Variants in PSMD6 observed in about 807,000 individuals in gnomAD.
PSMD6 encodes the protein proteasome 26S subunit, non-ATPase 6.
A neutral mutation model predicts 44.9 loss-of-function variants in PSMD6; 7 were observed. That is an observed-to-expected ratio of 0.16 (90% confidence interval 0.09 to 0.29). PSMD6 has a LOEUF of 0.29. PSMD6 is among the 10% of genes least tolerant of loss of function. The probability of loss-of-function intolerance (pLI) is 1.00; values close to 1 mark genes in which losing one functional copy is unlikely to be tolerated. For missense variants in PSMD6, 420 were observed against 482.6 expected (o/e 0.87, Z 1.21); for synonymous variants, 184 against 172.7 (o/e 1.07, Z -0.51).
upstream of PSMD6, chr3:64,023,567 C>T: frequency 1.4e-6 from 2 of 1,416,608 alleles, no homozygotes; most frequent in Non-Finnish European, 1.8e-6. Flanking sequence ...TGCTGGACAC[C>T]TCCGGGAACG....
chr3:64,020,998 T>C (rs1295432765), intron 2 of PSMD6, among the ~76,000 whole-genome samples: 1 of 152,012 alleles, frequency 6.6e-6, no homozygotes, highest in African/African-American at 2.4e-5. Flanking sequence ...TAATGGTGAG[T>C]ACCCCTCTGG....
intron 2 of PSMD6, among the ~76,000 whole-genome samples, chr3:64,021,343 T>C (rs2076127732): frequency 6.6e-6 from 1 of 152,148 alleles, no homozygotes; most frequent in Non-Finnish European, 1.5e-5. Flanking sequence ...AAAGACCTCT[T>C]AAATATAATG....
intron 6 of PSMD6, chr3:64,012,021 G>A (rs947883669): frequency 2.0e-5 from 3 of 152,088 alleles, no homozygotes; most frequent in Non-Finnish European, 2.9e-5. Context: ...ACAAAACCTT[G>A]GGATACCAGC....
At chr3:64,011,290 A>C (rs2075942422) in intron 6 of PSMD6, 1 of 186,058 alleles carries the variant, frequency 5.4e-6, no homozygotes, top group Admixed American at 6.0e-5. Context: ...AAAGACCTAA[A>C]ACAAAATTAT....
intron 2 of PSMD6, 32 bp downstream of exon 2, chr3:64,022,286 A>T (rs767514834): frequency 6.2e-7 from 1 of 1,609,780 alleles, no homozygotes; most frequent in South Asian, 1.1e-5. Flanking sequence ...AGCCTATACT[A>T]ACTACAGAGA....
At chr3:64,014,363 G>C (rs1042052547) in intron 5 of PSMD6, 1 of 152,016 alleles carries the variant, frequency 6.6e-6, no homozygotes. Context: ...TCAAAGGGCA[G>C]AGACAGATGA....
chr3:64,018,985 G>C lies in PSMD6; in HGVS notation c.550C>G (p.Gln184Glu). The C allele has an allele frequency of 6.2e-7, 1 of 1,612,824 alleles. No individual in the cohort carries two copies. The highest frequency in any genetic ancestry group is 8.5e-7 in the Non-Finnish European group (1 of 1,178,910). ...CGAATAGCCACACAATAAAGACCCTGATACACTTTTAGGCGGTTTCTCCTG... is the reference window on the plus strand; with the variant it reads ...CGAATAGCCACACAATAAAGACCCTCATACACTTTTAGGCGGTTTCTCCTG... The part of the protein sequence containing the change: ...WDRRNRLKVY[Q>E]GLYCVAIRDF... The change falls in exon 4 of 8, where the codon CAG (glutamine) becomes GAG (glutamate). Residue 184 changes from glutamine (Q) to glutamate (E), a missense_variant. Gln to Glu is a conservative substitution (Grantham distance 29, BLOSUM62 2). Around this residue, in one of 4 missense-constraint regions of PSMD6, gnomAD observed 216 missense variants for 227.0 expected, o/e 0.95. Coordinates refer to ENST00000295901, the MANE Select transcript of PSMD6 (RefSeq NM_014814.3).
chr3:64,022,949 C>A (rs539738888), intron 1 of PSMD6: 2 of 1,434,244 alleles, frequency 1.4e-6, no homozygotes, highest in South Asian at 2.8e-5. Flanking sequence ...ACCCCGCGCC[C>A]GGGAGCAGTC....
rs771118009 is a variant in PSMD6, at chr3:64,019,268, A to G, written c.497+28T>C. On this transcript the variant is annotated intron_variant, in intron 3 of 7. Coordinates refer to ENST00000295901, the MANE Select transcript of PSMD6 (RefSeq NM_014814.3). ...TCATTTGTAGCATCATAATTTAGAG[A>G]AAATATAATCCCACCCTTAGAAAGT... 1.3e-5 allele frequency: 20 copies of G among 1,544,586 alleles called. No homozygotes were observed. In the South Asian group the frequency reaches 2.2e-4, roughly 17 times the overall value.
At chr3:64,018,531 G>T in intron 5 of PSMD6, 68 bp downstream of exon 5, 1 of 1,204,622 alleles carries the variant, frequency 8.3e-7, no homozygotes, top group Non-Finnish European at 1.2e-6. Context: ...AATCGTCTTA[G>T]GTTATTTGCA....
rs1001849503 is a variant in PSMD6, at chr3:64,023,467, G to A, written c.-48C>T. ...GACAGGACACAACTTGGTTACGACC[G>A]GCTGCGGCAGCGGAAGCGGGAGGAG... is the stretch of plus-strand genomic sequence containing the variant. On this transcript the variant is annotated 5_prime_UTR_variant, in exon 1 of 8. Transcript: ENST00000295901. 9.3e-6 allele frequency: 14 copies of A among 1,509,802 alleles called. No homozygotes were observed. The South Asian group carries it at 9.9e-5, about 11-fold the overall frequency. The allele number at this position is 1,509,802 out of a possible 1,614,324, so 93.5% of individuals were successfully genotyped here.
intron 5 of PSMD6, 142 bp from the exon 6 acceptor site, chr3:64,013,749 C>CAACA: frequency 1.4e-6 from 1 of 691,842 alleles, no homozygotes; most frequent in Admixed American, 3.7e-5. Context: ...ATCATGTCAT[C>CAACA]AACAATGGCA....
Position 64,022,421 on chromosome 3 carries a change from C to T in PSMD6, c.248G>A (p.Arg83His). Residue 83 changes from arginine to histidine, a missense_variant, in exon 2 of 8, where the codon CGT becomes CAT. Arg to His is a conservative substitution (Grantham distance 29). This residue lies in a region of PSMD6 where 136 missense variants were observed against 124.2 expected (regional missense o/e 1.09). Transcript: ENST00000295901. ...MKKANEDELK[R>H]LDEELEDAEK... ...TGCATCTTCCAGCTCCTCATCCAAA[C>T]GCTTCAACTCATCTTCATTTGCCTT... is the stretch of plus-strand genomic sequence containing the variant. 1 of 1,614,210 alleles carries T rather than the reference C, an allele frequency of 6.2e-7. No homozygotes were observed. Among genetic ancestry groups the T allele is most frequent in the Non-Finnish European group, 8.5e-7 (1 of 1,180,034 alleles).
intron 1 of PSMD6, chr3:64,022,750 C>T: frequency 1.3e-6 from 2 of 1,536,486 alleles, no homozygotes; most frequent in Non-Finnish European, 1.7e-6. Context: ...TCTACTAGGG[C>T]TGGAGGGAGG....
intron 5 of PSMD6, 188 bp downstream of exon 5, chr3:64,018,411 A>G (rs1257138723): frequency 2.0e-6 from 1 of 497,406 alleles, no homozygotes; most frequent in East Asian, 3.3e-5. Context: ...CCTGGGCCAT[A>G]CAGCAGGCCA....
At chr3:64,011,470 G>GGGGATTTCATCTA in intron 6 of PSMD6, 1 of 152,196 alleles carries the variant, frequency 6.6e-6, no homozygotes, top group East Asian at 1.9e-4. Flanking sequence ...TTTTAAAAAA[G>GGGGATTTCATCTA]GGGATTTCAT....
At chr3:64,023,529 C>T (rs1322524552), upstream of PSMD6, 4 of 1,430,516 alleles carry the variant, frequency 2.8e-6, no homozygotes, top group Admixed American at 2.9e-5. Flanking sequence ...GCCCGGCTTC[C>T]GGTCCCGTCT....
intron 6 of PSMD6, chr3:64,012,940 A>AAAAC (rs1692360971): frequency 6.6e-6 from 1 of 152,292 alleles, no homozygotes; most frequent in African/African-American, 2.4e-5. Flanking sequence ...AGGGAGCTGT[A>AAAAC]AAACAATACC....
chr3:64,018,918 G>A lies in PSMD6; in HGVS notation c.617C>T (p.Ser206Leu). 1 of 1,599,046 alleles carries A rather than the reference G, an allele frequency of 6.3e-7. No individual in the cohort carries two copies. Among genetic ancestry groups the A allele is most frequent in the Non-Finnish European group, 8.6e-7 (1 of 1,166,330 alleles). ...CATGAGTTCATAGGATGTAAATGTT[G>A]AAACAGTGTCAAGGAAGAGTTCAGC... Reference protein sequence around the residue: ...QAAELFLDTVSTFTSYELMDY... With the variant: ...QAAELFLDTVLTFTSYELMDY... The change falls in exon 4 of 8, where the codon TCA (serine) becomes TTA (leucine). Residue 206 changes from serine to leucine, a missense_variant. Coordinates refer to ENST00000295901, the MANE Select transcript of PSMD6 (RefSeq NM_014814.3).
Sources: allele counts gnomAD v4.1 joint callset (sites outside exome capture counted in the v4.1 genomes callset), GRCh38; gene constraint gnomAD v4.1.1; regional missense constraint gnomAD v4.1.1; transcripts MANE v1.5; gene names NCBI Gene and HGNC (gene_info 2026-07-23, HGNC 2026-07-21).